Variants in PPP2R2B observed in about 807,000 individuals in gnomAD.
PPP2R2B encodes the protein protein phosphatase 2 regulatory subunit Bbeta.
PPP2R2B carries 5 observed loss-of-function variants against 46.0 expected under a neutral mutation model. That is an observed-to-expected ratio of 0.11 (90% confidence interval 0.06 to 0.23). The LOEUF (loss-of-function observed/expected upper bound fraction) is 0.23, where lower values mean the gene tolerates loss of function less well. PPP2R2B is among the 10% of genes least tolerant of loss of function. The pLI, the probability that PPP2R2B is intolerant of heterozygous loss-of-function variation, is 1.00. For synonymous variants in PPP2R2B, 215 were observed against 206.7 expected (o/e 1.04, Z -0.34); for missense variants, 367 against 575.0 (o/e 0.64, Z 3.70).
intron 2 of PPP2R2B, among the ~76,000 whole-genome samples, chr5:146,709,085 T>C (rs1229502840): frequency 6.6e-6 from 1 of 152,232 alleles, no homozygotes; most frequent in Non-Finnish European, 1.5e-5. Context: ...TCCTCTGTCA[T>C]CCAATCAGTG....
intron 2 of PPP2R2B, among the ~76,000 whole-genome samples, chr5:146,746,309 C>T (rs181947271): frequency 9.1e-4 from 138 of 152,252 alleles, no homozygotes; most frequent in African/African-American, 3.2e-3. Flanking sequence ...CTAAACAACA[C>T]CTATCACTGG....
intron 1 of PPP2R2B, chr5:146,917,910 T>A (rs183270581): frequency 7.2e-4 from 109 of 152,304 alleles, no homozygotes; most frequent in African/African-American, 2.5e-3. Flanking sequence ...TGACATCTCC[T>A]CCTGATTAAA....
rs991247152 is a variant in PPP2R2B, at chr5:146,923,735, A to C, written c.79+131930T>G. ...CATTACTGGGTATATACCCAAAAGA[A>C]TATACATCATTCTATCATAAAAGAC... On this transcript the variant is annotated intron_variant, in intron 1 of 8. Transcript: ENST00000336640. 2.6e-5 allele frequency among the ~76,000 whole-genome samples: 4 copies of C among 152,302 alleles called. No individual in the cohort carries two copies. In the South Asian group the frequency reaches 8.3e-4, roughly 32 times the overall value.
chr5:146,597,403 T>TATCA lies in PPP2R2B; in HGVS notation c.960+2884_960+2887dup, dbSNP rs1272220925. ...TTCACTCCTTCTAGTATGTTGATTCTATCAATTCTTAAAATTCATTATTTC... is the reference window on the plus strand; with the variant it reads ...TTCACTCCTTCTAGTATGTTGATTCTATCAATCAATTCTTAAAATTCATTATTTC... On this transcript the variant is annotated intron_variant, in intron 8 of 9. Transcript: ENST00000394411. 4.6e-5 allele frequency among the ~76,000 whole-genome samples: 7 copies of TATCA among 152,332 alleles called. No homozygotes were observed. The South Asian group carries it at 6.2e-4, about 14-fold the overall frequency.
At chr5:146,694,949 G>A (rs866235991) in intron 4 of PPP2R2B, among the ~76,000 whole-genome samples, 1 of 151,984 alleles carries the variant, frequency 6.6e-6, no homozygotes, top group Admixed American at 6.5e-5. Context: ...GAATATATTT[G>A]TATACTATAA....
intron 1 of PPP2R2B, among the ~76,000 whole-genome samples, chr5:146,905,412 A>T (rs1262332510): frequency 6.6e-6 from 1 of 152,076 alleles, no homozygotes; most frequent in Non-Finnish European, 1.5e-5. Context: ...TAAATTTTTA[A>T]ATTTTTATAA....
At position 146,805,669 on chromosome 5, in the gene PPP2R2B, C is replaced by A. The variant is rs145348770; in HGVS notation, c.70+72333G>T. On this transcript the variant is annotated intron_variant, in intron 2 of 9. Coordinates refer to ENST00000394411, the MANE Select transcript of PPP2R2B (RefSeq NM_181675.4). ...AGATGAGCCTGTAGTACAAATTGCA[C>A]CCTAGGAAAAAAATGGAGTGGTTTA... is the stretch of plus-strand genomic sequence containing the variant. Among the ~76,000 whole-genome samples the A allele has an allele frequency of 4.0e-3, 606 of 152,090 alleles. 9 individuals are homozygous for A. The highest frequency in any genetic ancestry group is 0.014 in the African/African-American group (579 of 41,464).
At chr5:146,601,310 A>G (rs1357856191) in intron 7 of PPP2R2B, among the ~76,000 whole-genome samples, 1 of 152,176 alleles carries the variant, frequency 6.6e-6, no homozygotes, top group East Asian at 1.9e-4. Context: ...TTTAATAGTG[A>G]AACTTTGGCC....
chr5:146,969,534 G>A (rs192435771), intron 1 of PPP2R2B, among the ~76,000 whole-genome samples: 4 of 152,268 alleles, frequency 2.6e-5, no homozygotes, highest in Non-Finnish European at 5.9e-5. Flanking sequence ...AGATCATTCC[G>A]CCTGTGGTAT....
chr5:146,927,578 G>C (rs1005350694), intron 1 of PPP2R2B, among the ~76,000 whole-genome samples: 1 of 152,066 alleles, frequency 6.6e-6, no homozygotes. Context: ...GATGCTGCCT[G>C]CATGCTGTTA....
chr5:146,698,320 ATATATATATATATAT>A (rs1779323378), intron 3 of PPP2R2B, among the ~76,000 whole-genome samples, 176 bp from the exon 4 acceptor site: 1 of 71,598 alleles, frequency 1.4e-5, no homozygotes, highest in Non-Finnish European at 2.4e-5. Context: ...AAAAAAAAAT[ATATATATATATATAT>A]ATATATATAT....
chr5:146,693,916 T>G (rs958700091), intron 4 of PPP2R2B, among the ~76,000 whole-genome samples: 2 of 152,246 alleles, frequency 1.3e-5, no homozygotes, highest in African/African-American at 2.4e-5. Context: ...TGTAACACTG[T>G]CAGGGGAGAA....
chr5:146,817,178 T>G (rs1305559591), intron 2 of PPP2R2B, among the ~76,000 whole-genome samples: 1 of 152,178 alleles, frequency 6.6e-6, no homozygotes, highest in East Asian at 1.9e-4. Context: ...GATCTTTCTT[T>G]TCTGCCTCCT....
chr5:146,794,177 G>A (rs998659816), intron 2 of PPP2R2B, among the ~76,000 whole-genome samples: 1 of 152,074 alleles, frequency 6.6e-6, no homozygotes, highest in Non-Finnish European at 1.5e-5. Context: ...CATGGCTAAT[G>A]ACTACAGCTT....
chr5:147,044,803 T>C (rs546655249), intron 1 of PPP2R2B, among the ~76,000 whole-genome samples: 5 of 152,280 alleles, frequency 3.3e-5, no homozygotes, highest in Admixed American at 6.5e-5. Context: ...ATATGCACAA[T>C]TCTAGATGGA....
chr5:146,778,129 G>A (rs1205163904), intron 2 of PPP2R2B, among the ~76,000 whole-genome samples: 2 of 152,126 alleles, frequency 1.3e-5, no homozygotes, highest in Admixed American at 6.5e-5. Flanking sequence ...ATGGAAAATG[G>A]CAATTTGGGT....
intron 2 of PPP2R2B, chr5:146,751,535 G>A (rs1445791091): frequency 1.3e-5 from 2 of 152,054 alleles, no homozygotes; most frequent in Admixed American, 1.3e-4. Context: ...TTTGCATTTT[G>A]TCATTCTTTC....
At chr5:146,940,994 C>T (rs140073688) in intron 1 of PPP2R2B, among the ~76,000 whole-genome samples, 4 of 152,216 alleles carry the variant, frequency 2.6e-5, no homozygotes, top group African/African-American at 7.2e-5. Context: ...ATTTGTCCAC[C>T]GCTGGTGCAT....
chr5:146,811,727 ATTTTTT>A (rs1163716544), intron 2 of PPP2R2B, among the ~76,000 whole-genome samples: 2 of 121,248 alleles, frequency 1.6e-5, no homozygotes, highest in East Asian at 2.3e-4. Context: ...CGCCCGGCTA[ATTTTTT>A]TTTTTTTTTT....
Sources: gnomAD v4.1 joint callset for allele counts (sites outside exome capture counted in the v4.1 genomes callset) on GRCh38, gnomAD v4.1.1 for gene constraint, MANE v1.5 for transcripts, NCBI Gene and HGNC (gene_info 2026-07-23, HGNC 2026-07-21) for gene names.